CDK13: variants seen among roughly 807,000 people sequenced by gnomAD.
CDK13 encodes the protein cyclin dependent kinase 13.
In CDK13, 40 loss-of-function variants were observed where a neutral mutation model predicts 137.6. The ratio of observed to expected loss-of-function variants is 0.29; its 90% confidence interval spans 0.23 to 0.38. The LOEUF (loss-of-function observed/expected upper bound fraction) is 0.38. CDK13 is among the 10% of genes least tolerant of loss of function. CDK13 has a pLI of 1.00. For synonymous variants in CDK13, 869 were observed against 760.1 expected (o/e 1.14, Z -2.36); for missense variants, 1,704 against 1,951.8 (o/e 0.87, Z 2.39).
intron 12 of CDK13, 158 bp from the exon 13 acceptor site, chr7:40,092,627 A>G (rs1786949070): frequency 1.7e-6 from 1 of 601,882 alleles, no homozygotes; most frequent in Non-Finnish European, 2.9e-6. Context: ...TTAAATGTAC[A>G]TGATATTTAA....
At chr7:39,992,685 C>A (rs540376670) in intron 2 of CDK13, among the ~76,000 whole-genome samples, 2 of 151,856 alleles carry the variant, frequency 1.3e-5, no homozygotes, top group African/African-American at 4.8e-5. Context: ...ACCCCCTGCC[C>A]CCAGCCCTAT....
At chr7:40,055,572 A>ATTTTTTT (rs1202058166) in intron 7 of CDK13, among the ~76,000 whole-genome samples, 1 of 128,628 alleles carries the variant, frequency 7.8e-6, no homozygotes. Context: ...AGGATTCTGG[A>ATTTTTTT]TTTTTTTTTT....
chr7:39,964,587 A>AT (rs370233058), intron 1 of CDK13, among the ~76,000 whole-genome samples: 39,763 of 141,966 alleles, frequency 0.28, 6,166 homozygotes, highest in Middle Eastern at 0.45. Flanking sequence ...GGATTCATTG[A>AT]TTTTTTTTTT....
At chr7:40,049,240 A>G (rs1785824550) in intron 7 of CDK13, 3 of 150,590 alleles carry the variant, frequency 2.0e-5, no homozygotes, top group African/African-American at 4.9e-5. Flanking sequence ...GGAAGGAAGG[A>G]AAGAGAGACA....
At chr7:39,998,213 T>C (rs559518873) in intron 3 of CDK13, 1 of 150,476 alleles carries the variant, frequency 6.6e-6, no homozygotes, top group Non-Finnish European at 1.5e-5. Context: ...CTTTTTTTTT[T>C]TTTTTTTAAC....
At chr7:40,068,941 A>T (rs573020331) in intron 9 of CDK13, among the ~76,000 whole-genome samples, 83 of 152,184 alleles carry the variant, frequency 5.5e-4, no homozygotes, top group Admixed American at 3.9e-3. Context: ...TTATAATTTT[A>T]TAAAGAGATT....
chr7:39,994,693 G>A (rs1239627261), intron 2 of CDK13, among the ~76,000 whole-genome samples: 1 of 152,072 alleles, frequency 6.6e-6, no homozygotes, highest in African/African-American at 2.4e-5. Flanking sequence ...TAAATCTTTG[G>A]ATTTAAAATT....
chr7:40,089,711 A>AGC (rs1786873582), intron 12 of CDK13, among the ~76,000 whole-genome samples: 1 of 141,716 alleles, frequency 7.1e-6, no homozygotes, highest in Non-Finnish European at 1.5e-5. Flanking sequence ...AGAGAGAGAG[A>AGC]GAGAGAGAGA....
intron 9 of CDK13, among the ~76,000 whole-genome samples, chr7:40,074,236 G>A (rs535704657): frequency 9.9e-5 from 15 of 152,226 alleles, no homozygotes; most frequent in East Asian, 1.9e-4. Flanking sequence ...AATATAATGG[G>A]CATGGGCCAG....
intron 5 of CDK13, among the ~76,000 whole-genome samples, chr7:40,021,752 G>C (rs1475326667): frequency 1.3e-5 from 2 of 151,784 alleles, no homozygotes; most frequent in Non-Finnish European, 3.0e-5. Context: ...ATGAAGGATA[G>C]AGAAGGAAAT....
chr7:39,959,828 T>C (rs181229122), intron 1 of CDK13, among the ~76,000 whole-genome samples: 2 of 132,848 alleles, frequency 1.5e-5, no homozygotes, highest in Admixed American at 8.2e-5. Flanking sequence ...TTGTGTGTTA[T>C]AGCTACTAAC....
chr7:39,977,649 T>C (rs549468670), intron 1 of CDK13, among the ~76,000 whole-genome samples: 29 of 152,102 alleles, frequency 1.9e-4, no homozygotes, highest in Non-Finnish European at 3.2e-4. Flanking sequence ...TTCCTATATT[T>C]TGTGATGGCT....
chr7:40,002,215 A>C (rs555274131), intron 5 of CDK13, 184 bp downstream of exon 5: 200 of 456,564 alleles, frequency 4.4e-4, no homozygotes, highest in Non-Finnish European at 6.1e-4. Flanking sequence ...TTTTGAGTAA[A>C]CTTCGTAAAG....
Position 40,012,693 on chromosome 7 carries a change from T to A in CDK13, c.2353+10662T>A, listed in dbSNP as rs1310772474. Among the ~76,000 whole-genome samples the A allele has an allele frequency of 3.3e-5, 5 of 152,196 alleles. No homozygotes were observed. The East Asian group carries it at 9.7e-4, about 29-fold the overall frequency. ...ACTTTGGGAGGCTGAGGTGGGCGGA[T>A]CACCTGAGGTCAGTTCAAGACTAGC... On this transcript the variant is annotated intron_variant, in intron 5 of 13. Coordinates refer to ENST00000181839, the MANE Select transcript of CDK13 (RefSeq NM_003718.5).
chr7:39,970,948 T>C (rs1486470988), intron 1 of CDK13, among the ~76,000 whole-genome samples: 1 of 152,216 alleles, frequency 6.6e-6, no homozygotes, highest in Non-Finnish European at 1.5e-5. Flanking sequence ...TTGAACATTT[T>C]TTATTATGTA....
At chr7:40,019,195 T>A (rs935417451) in intron 5 of CDK13, among the ~76,000 whole-genome samples, 2 of 152,206 alleles carry the variant, frequency 1.3e-5, no homozygotes, top group Non-Finnish European at 2.9e-5. Context: ...TTTACTGTCT[T>A]AATAGTAGCC....
At chr7:40,088,928 A>G (rs1786851614) in intron 12 of CDK13, among the ~76,000 whole-genome samples, 1 of 152,062 alleles carries the variant, frequency 6.6e-6, no homozygotes, top group Non-Finnish European at 1.5e-5. Context: ...AAAAATACAA[A>G]AATTAGCCGG....
At chr7:40,051,207 G>A (rs1785879931) in intron 7 of CDK13, among the ~76,000 whole-genome samples, 1 of 150,374 alleles carries the variant, frequency 6.7e-6, no homozygotes, top group Non-Finnish European at 1.5e-5. Context: ...CTGTCATTTT[G>A]TTTTAAGAGC....
chr7:39,970,761 T>C (rs1783980853), intron 1 of CDK13, among the ~76,000 whole-genome samples: 1 of 152,078 alleles, frequency 6.6e-6, no homozygotes, highest in Admixed American at 6.6e-5. Context: ...GCGCCTGGCC[T>C]GTTGTCATCT....
Sources: allele counts gnomAD v4.1 joint callset (sites outside exome capture counted in the v4.1 genomes callset), GRCh38; gene constraint gnomAD v4.1.1; transcripts MANE v1.5; gene names NCBI Gene and HGNC (gene_info 2026-07-23, HGNC 2026-07-21).